Variants in DCAF13 observed in about 807,000 individuals in gnomAD.
DCAF13 encodes the protein DDB1 and CUL4 associated factor 13, also known as DDB1- and CUL4-associated factor 13.
Under a neutral mutation model 59.0 loss-of-function variants are expected in DCAF13, and 38 were observed. The ratio of observed to expected loss-of-function variants is 0.64; its 90% CI spans 0.50 to 0.84. The LOEUF is 0.84. Among genes scored for constraint, DCAF13 ranks in the 40% least tolerant of loss-of-function variants. The probability of loss-of-function intolerance (pLI) is 0.00; values close to 1 mark genes in which losing one functional copy is unlikely to be tolerated. For synonymous variants in DCAF13, 173 were observed against 175.0 expected, an observed-to-expected ratio of 0.99 and a Z score of 0.09; for missense variants, 469 against 558.4, an observed-to-expected ratio of 0.84 and a Z score of 1.61.
intron 3 of DCAF13, among the ~76,000 whole-genome samples, chr8:103,423,427 G>A (rs1238223761): frequency 1.3e-5 from 2 of 152,102 alleles, no homozygotes; most frequent in Non-Finnish European, 2.9e-5. Flanking sequence ...GAACCTGGAG[G>A]ACATGATGCT....
intron 3 of DCAF13, among the ~76,000 whole-genome samples, chr8:103,423,783 ATATC>A (rs1563502969): frequency 1.3e-5 from 2 of 152,206 alleles, no homozygotes. Flanking sequence ...TCATAAATAT[ATATC>A]TTTTATTTGT....
chr8:103,430,607 T>G lies in DCAF13; in HGVS notation c.625-5T>G. The G allele has an allele frequency of 6.2e-7, 1 of 1,609,846 alleles. No homozygotes were observed. The highest frequency in any genetic ancestry group is 8.5e-7 in the Non-Finnish European group (1 of 1,177,256). The stretch of plus-strand genomic sequence containing the variant: ...TGAACTGGTGATTGTTATACTTGTT[T>G]TTAGACATTTCTCTTGGGAAGTTGT... On this transcript the variant is annotated splice_region_variant and splice_polypyrimidine_tract_variant and intron_variant, in intron 5 of 10. Coordinates refer to ENST00000612750, the MANE Select transcript of DCAF13 (RefSeq NM_015420.7).
At position 103,418,030 on chromosome 8, in the gene DCAF13, A is replaced by G. The variant is rs565053568; in HGVS notation, c.71-2234A>G. Among the ~76,000 whole-genome samples, 6 of 152,062 alleles carry G rather than the reference A, an allele frequency of 3.9e-5. No individual in the cohort carries two copies. The East Asian group carries it at 1.2e-3, about 30-fold the overall frequency. ...GTAGTCCCAGCTACTCGGGAGGCTGAGGCAGGAGAATGGTGTGAACCCGGG... is the reference window on the plus strand; with the variant it reads ...GTAGTCCCAGCTACTCGGGAGGCTGGGGCAGGAGAATGGTGTGAACCCGGG... On this transcript the variant is annotated intron_variant, in intron 1 of 10. Coordinates refer to ENST00000612750, the MANE Select transcript of DCAF13 (RefSeq NM_015420.7).
At chr8:103,434,115 G>A (rs1253389589) in intron 7 of DCAF13, among the ~76,000 whole-genome samples, 2 of 151,974 alleles carry the variant, frequency 1.3e-5, no homozygotes, top group African/African-American at 2.4e-5. Context: ...TCTTGCTTTT[G>A]TATCCCTTTT....
At chr8:103,437,008 C>T (rs1816943527) in intron 8 of DCAF13, among the ~76,000 whole-genome samples, 1 of 152,162 alleles carries the variant, frequency 6.6e-6, no homozygotes, top group Non-Finnish European at 1.5e-5. Context: ...TTATCTTCAT[C>T]ACTGTTTATC....
intron 1 of DCAF13, among the ~76,000 whole-genome samples, chr8:103,419,163 C>T (rs1353594647): frequency 6.6e-6 from 1 of 151,972 alleles, no homozygotes; most frequent in African/African-American, 2.4e-5. Context: ...GGATTACAGG[C>T]GTGAGCCACC....
chr8:103,427,322 T>C (rs758756069), intron 5 of DCAF13, 70 bp downstream of exon 5: 1 of 1,358,592 alleles, frequency 7.4e-7, no homozygotes, highest in Non-Finnish European at 1.0e-6. Flanking sequence ...AGAAAACTTT[T>C]GAATGTATGA....
chr8:103,442,908 A>G lies in DCAF13; in HGVS notation c.*26A>G. 6.8e-7 allele frequency: 1 copy of G among 1,471,000 alleles called. No homozygotes were observed. Among genetic ancestry groups the G allele is most frequent in the Non-Finnish European group, 9.3e-7 (1 of 1,075,966 alleles). 91.1% of individuals were successfully genotyped at this position (1,471,000 alleles called of 1,614,324 possible). A position where few individuals can be genotyped will look rare whatever the true frequency, so the allele number is the denominator to read the frequency against. ...TTGGTATTCCTAACAATCCTGATGT[A>G]TAATTATTTGTTACTTTTGATTTGA... On this transcript the variant is annotated 3_prime_UTR_variant, in exon 11 of 11. Transcript: ENST00000612750.
chr8:103,418,436 G>A lies in DCAF13; in HGVS notation c.71-1828G>A, dbSNP rs139565021. ...TTGGGAGGCTGAGGTGAGAGGCTAA[G>A]GTGGGAGGATCACTTAAGCCCTGGA... On this transcript the variant is annotated intron_variant, in intron 1 of 10. Transcript: ENST00000612750. Among the ~76,000 whole-genome samples the A allele has an allele frequency of 9.1e-4, 138 of 152,154 alleles. 1 individual carries two copies. The highest frequency in any genetic ancestry group is 6.8e-3 in the Middle Eastern group (2 of 294).
At chr8:103,431,381 A>T (rs573142804) in intron 6 of DCAF13, among the ~76,000 whole-genome samples, 143 of 152,340 alleles carry the variant, frequency 9.4e-4, no homozygotes, top group African/African-American at 3.2e-3. Context: ...CATCATTGAG[A>T]TGCCACAAGT....
At chr8:103,440,368 T>A in intron 9 of DCAF13, 97 bp downstream of exon 9, 1 of 1,106,752 alleles carries the variant, frequency 9.0e-7, no homozygotes, top group Non-Finnish European at 1.2e-6. Context: ...TTTTGGGTAT[T>A]TTGATTAAAT....
At chr8:103,433,831 T>C (rs920114816) in intron 7 of DCAF13, among the ~76,000 whole-genome samples, 11 of 152,092 alleles carry the variant, frequency 7.2e-5, no homozygotes, top group Non-Finnish European at 1.2e-4. Flanking sequence ...TGAAGCTTTT[T>C]TTTTTAACCT....
chr8:103,420,216 C>G, intron 1 of DCAF13, 48 bp from the exon 2 acceptor site: 1 of 1,542,286 alleles, frequency 6.5e-7, no homozygotes, highest in Non-Finnish European at 9.0e-7. Context: ...AGGAAGACTG[C>G]AGGAAATATT....
chr8:103,422,215 A>G (rs1008680706), intron 3 of DCAF13, among the ~76,000 whole-genome samples: 1 of 152,170 alleles, frequency 6.6e-6, no homozygotes, highest in Admixed American at 6.5e-5. Context: ...GAAGGGTGGC[A>G]ATGGGAAGGA....
Position 103,435,610 on chromosome 8 carries a change from A to G in DCAF13, c.786-16A>G, listed in dbSNP as rs758697057. ...TTCTAGAAATATGTGTCAAATATTT[A>G]AAAATTCTTTTACAGCTTATATACT... On this transcript the variant is annotated splice_polypyrimidine_tract_variant and intron_variant, in intron 7 of 10. Transcript: ENST00000612750. 1.3e-6 allele frequency: 2 copies of G among 1,507,896 alleles called. No homozygotes were observed. The highest frequency in any genetic ancestry group is 2.8e-5 in the African/African-American group (2 of 71,274). 93.4% of individuals were successfully genotyped at this position (1,507,896 alleles called of 1,614,324 possible).
At chr8:103,416,804 T>C (rs1816623050) in intron 1 of DCAF13, among the ~76,000 whole-genome samples, 1 of 152,224 alleles carries the variant, frequency 6.6e-6, no homozygotes, top group Non-Finnish European at 1.5e-5. Flanking sequence ...TGTCAGTTTC[T>C]CCATCTATAA....
chr8:103,442,999 T>G lies in DCAF13; in HGVS notation c.*117T>G. 2 of 637,146 alleles carry G rather than the reference T, an allele frequency of 3.1e-6. No individual in the cohort carries two copies. The highest frequency in any genetic ancestry group is 5.1e-6 in the Non-Finnish European group (2 of 395,044). The allele number at this position is 637,146 out of a possible 1,614,324, so 39.5% of individuals were successfully genotyped here. A position where few individuals can be genotyped will look rare whatever the true frequency, so the allele number is the denominator to read the frequency against. ...AACATTTTAGTTATATGTGTAGAGC[T>G]TTATTGTTACTCCTTTTAGCTACCC... is the stretch of plus-strand genomic sequence containing the variant. On this transcript the variant is annotated 3_prime_UTR_variant, in exon 11 of 11. Transcript: ENST00000612750.
rs1370006 is a variant in DCAF13, at chr8:103,426,335, G to T, written c.468+190G>T. 5.1e-3 allele frequency among the ~76,000 whole-genome samples: 735 copies of T among 145,358 alleles called. 12 individuals are homozygous for T. Among genetic ancestry groups the T allele is most frequent in the African/African-American group, 0.015 (610 of 39,666 alleles). On this transcript the variant is annotated intron_variant, in intron 4 of 10. Coordinates refer to ENST00000612750, the MANE Select transcript of DCAF13 (RefSeq NM_015420.7). ...CCTTTGATGCTAAAGAATTTTAACA[G>T]TTTTTTTTTTTTTTGGTATTCATTG...
intron 3 of DCAF13, 68 bp from the exon 4 acceptor site, chr8:103,425,988 T>G: frequency 2.9e-6 from 3 of 1,030,606 alleles, no homozygotes; most frequent in Non-Finnish European, 1.5e-6. Context: ...TTATTTGATA[T>G]GTGTTGGCAA....
Sources: gnomAD v4.1 joint callset for allele counts (sites outside exome capture counted in the v4.1 genomes callset) on GRCh38, gnomAD v4.1.1 for gene constraint, MANE v1.5 for transcripts, NCBI Gene and HGNC (gene_info 2026-07-23, HGNC 2026-07-21) for gene names.